The following OR10G8 variants were observed in gnomAD, a reference collection of about 807,000 sequenced individuals.
OR10G8 encodes olfactory receptor family 10 subfamily G member 8, also known as olfactory receptor 10G8.
For missense variants in OR10G8, 386 were observed against 384.9 expected, an observed-to-expected ratio of 1.00 and a Z score of -0.02; for synonymous variants, 173 against 163.2, an observed-to-expected ratio of 1.06 and a Z score of -0.46.
rs781320865 is a variant in OR10G8 at position 124,029,632 on chromosome 11, G to A, written c.10G>A (p.Ala4Thr). The change falls in exon 2 of 2, where the codon GCC becomes ACC. Residue 4 changes from alanine (A) to threonine (T), a missense_variant. Transcript: ENST00000641224. ...CCAAGGGTGAGAAGAAATGTCCAAC[G>A]CCAGCCTACTGACAGCGTTCATCCT... is the stretch of plus-strand genomic sequence containing the variant. MSN[A>T]SLLTAFILMG... 33 of 1,613,314 alleles carry A rather than the reference G, an allele frequency of 2.0e-5. No individual in the cohort carries two copies. In the South Asian group the frequency reaches 3.0e-4, roughly 14 times the overall value.
At chr11:124,028,870 T>C (rs78325984) in intron 1 of OR10G8, among the ~76,000 whole-genome samples, 6,480 of 152,246 alleles carry the variant, frequency 0.043, 328 homozygotes, top group East Asian at 0.14. Flanking sequence ...AGATTCCTGC[T>C]GTCTAGTATA....
Position 124,030,552 on chromosome 11 carries a change from C to G in OR10G8, c.930C>G (p.Ser310Arg). 4 of 1,581,894 alleles carry G rather than the reference C, an allele frequency of 2.5e-6. No individual in the cohort carries two copies. Among genetic ancestry groups the G allele is most frequent in the Non-Finnish European group, 3.4e-6 (4 of 1,166,558 alleles). The change falls in exon 2 of 2, where the codon AGC becomes AGG. Residue 310 changes from serine (S) to arginine (R), a missense_variant. By Grantham distance (110) the Ser-to-Arg change is moderately radical. Transcript: ENST00000641224. ...AAGACAAAGTAGCACATTCTCAGAGCAAATAGACACTAGGGAAGATTACAT... is the reference window on the plus strand; with the variant it reads ...AAGACAAAGTAGCACATTCTCAGAGGAAATAGACACTAGGGAAGATTACAT... ...KLKDKVAHSQ[S>R]K
At chr11:124,028,742 T>TAAATTTGAAAC (rs1406622674) in intron 1 of OR10G8, among the ~76,000 whole-genome samples, 5 of 152,300 alleles carry the variant, frequency 3.3e-5, no homozygotes, top group South Asian at 2.1e-4. Context: ...AGCTGAACTG[T>TAAATTTGAAAC]TCAGTTTTCA....
In OR10G8 at chr11:124,029,649, G is replaced by T; in HGVS notation, c.27G>T (p.Ala9=). Residue 9 remains alanine (A), a synonymous_variant, in exon 2 of 2, where the codon GCG becomes GCT. Transcript: ENST00000641224. ...TGTCCAACGCCAGCCTACTGACAGC[G>T]TTCATCCTCATGGGCCTTCCCCATG... is the stretch of plus-strand genomic sequence containing the variant. MSNASLLT[A]FILMGLPHAP... 6.2e-7 allele frequency: 1 copy of T among 1,613,902 alleles called. No homozygotes were observed. The highest frequency in any genetic ancestry group is 1.1e-5 in the South Asian group (1 of 91,066).
rs1020204718 is a variant in OR10G8 at position 124,026,866 on chromosome 11, G to A, written c.-29G>A. 5 of 152,144 alleles carry A rather than the reference G, an allele frequency of 3.3e-5. No homozygotes were observed. The highest frequency in any genetic ancestry group is 9.7e-5 in the African/African-American group (4 of 41,426). 9.4% of individuals were successfully genotyped at this position (152,144 alleles called of 1,614,324 possible). On this transcript the variant is annotated splice_region_variant and 5_prime_UTR_variant, in exon 1 of 2. Transcript: ENST00000641224. Reference sequence around the variant, plus strand: ...TCTCTCAGCCACTGGTGAGAGAAAAGGGTAAGTCAGTTATTCTTTCCTCTA... The same window carrying A: ...TCTCTCAGCCACTGGTGAGAGAAAAAGGTAAGTCAGTTATTCTTTCCTCTA...
At chr11:124,028,334 C>T (rs928898216) in intron 1 of OR10G8, among the ~76,000 whole-genome samples, 7 of 152,032 alleles carry the variant, frequency 4.6e-5, no homozygotes, top group Non-Finnish European at 1.0e-4. Context: ...TTTGGGAGGT[C>T]GTGGGAATCC....
At chr11:124,028,791 T>C (rs1864127383) in intron 1 of OR10G8, among the ~76,000 whole-genome samples, 1 of 152,192 alleles carries the variant, frequency 6.6e-6, no homozygotes, top group African/African-American at 2.4e-5. Flanking sequence ...CTTGGTGTTT[T>C]TTTTTAAGTT....
chr11:124,030,392 T>G lies in OR10G8; in HGVS notation c.770T>G (p.Ile257Ser). 1 of 1,614,188 alleles carries G rather than the reference T, an allele frequency of 6.2e-7. No individual in the cohort carries two copies. The highest frequency in any genetic ancestry group is 8.5e-7 in the Non-Finnish European group (1 of 1,180,030). The change falls in exon 2 of 2, where the codon ATT becomes AGT. Residue 257 changes from isoleucine to serine, a missense_variant. Physicochemically the swap from Ile to Ser is moderately radical, Grantham distance 142. Transcript: ENST00000641224. The part of the protein sequence containing the change: ...VLCFFGPGLF[I>S]YLRPGSRKAV... ...TGCTTCTTTGGCCCTGGTCTTTTCA[T>G]TTACCTGAGGCCAGGCTCCAGGAAA... is the stretch of plus-strand genomic sequence containing the variant.
Position 124,030,154 on chromosome 11 carries a change from T to C in OR10G8, c.532T>C (p.Cys178Arg). Residue 178 changes from cysteine (C) to arginine (R), a missense_variant, in exon 2 of 2, where the codon TGT becomes CGT. Physicochemically the swap from Cys to Arg is radical, Grantham distance 180 (BLOSUM62 -3). Coordinates refer to ENST00000641224, the MANE Select transcript of OR10G8 (RefSeq NM_001004464.2). ...CGPNWIQHYL[C>R]DAPPILKLAC... ...ACCCAACTGGATCCAGCACTATTTG[T>C]GTGATGCACCGCCCATCCTGAAACT... The C allele has an allele frequency of 6.2e-7, 1 of 1,614,038 alleles. No homozygotes were observed. Among genetic ancestry groups the C allele is most frequent in the Non-Finnish European group, 8.5e-7 (1 of 1,179,906 alleles).
chr11:124,030,068 T>C lies in OR10G8; in HGVS notation c.446T>C (p.Leu149Pro). ...ACTCTTCTGGCCACCAGCACTTGGC[T>C]CAGTGGCTCTCTGCACTCTGCTGTC... ...SCTLLATSTW[L>P]SGSLHSAVQA... Residue 149 changes from leucine (L) to proline (P), a missense_variant, in exon 2 of 2, where the codon CTC (leucine) becomes CCC (proline). Physicochemically the swap from Leu to Pro is moderately conservative, Grantham distance 98 (BLOSUM62 -3). Coordinates refer to ENST00000641224, the MANE Select transcript of OR10G8 (RefSeq NM_001004464.2). 1.5e-5 allele frequency: 25 copies of C among 1,614,098 alleles called. No homozygotes were observed. Among genetic ancestry groups the C allele is most frequent in the Non-Finnish European group, 2.1e-5 (25 of 1,179,980 alleles).
intron 1 of OR10G8, 27 bp downstream of exon 1, chr11:124,026,894 G>A (rs1387539085): frequency 1.3e-5 from 2 of 152,146 alleles, no homozygotes; most frequent in East Asian, 1.9e-4. Context: ...TTCCTCTAAG[G>A]TACAAATACT....
intron 1 of OR10G8, among the ~76,000 whole-genome samples, chr11:124,028,457 A>T (rs77996654): frequency 2.8e-4 from 43 of 152,128 alleles, no homozygotes; most frequent in African/African-American, 9.4e-4. Flanking sequence ...AAATAGTCCA[A>T]GAAGACCTAG....
In OR10G8 at chr11:124,030,242, C is replaced by T. The variant is rs150048996; in HGVS notation, c.620C>T (p.Ser207Leu). The T allele has an allele frequency of 1.7e-5, 28 of 1,614,078 alleles. No individual in the cohort carries two copies. Among genetic ancestry groups the T allele is most frequent in the East Asian group, 8.9e-5 (4 of 44,898 alleles). ...TTTGTGACTGTTGGAATAGTGGCCT[C>T]GGGCTGCTTTGTCCTGATAGTGCTG... ...VIFVTVGIVASGCFVLIVLSY... is the reference protein window; with the variant it reads ...VIFVTVGIVALGCFVLIVLSY... Residue 207 changes from serine (S) to leucine (L), a missense_variant, in exon 2 of 2, where the codon TCG becomes TTG. Transcript: ENST00000641224.
chr11:124,030,522 G>A lies in OR10G8; in HGVS notation c.900G>A (p.Lys300=), dbSNP rs752995786. The change falls in exon 2 of 2, where the codon AAG becomes AAA. Residue 300 remains lysine, a synonymous_variant. Coordinates refer to ENST00000641224, the MANE Select transcript of OR10G8 (RefSeq NM_001004464.2). ...RNKEVKKALL[K]LKDKVAHSQS... ...AGGAGGTGAAGAAAGCTCTGTTGAA[G>A]CTGAAAGACAAAGTAGCACATTCTC... is the stretch of plus-strand genomic sequence containing the variant. The A allele has an allele frequency of 6.2e-7, 1 of 1,603,806 alleles. No homozygotes were observed. The highest frequency in any genetic ancestry group is 8.5e-7 in the Non-Finnish European group (1 of 1,176,622).
chr11:124,027,191 T>C (rs1864114410), intron 1 of OR10G8, among the ~76,000 whole-genome samples: 1 of 152,154 alleles, frequency 6.6e-6, no homozygotes, highest in Non-Finnish European at 1.5e-5. Flanking sequence ...CTTGCAAACT[T>C]AGCACCTGTA....
intron 1 of OR10G8, among the ~76,000 whole-genome samples, chr11:124,027,156 A>G (rs531149744): frequency 6.6e-6 from 1 of 152,226 alleles, no homozygotes; most frequent in African/African-American, 2.4e-5. Flanking sequence ...CTTTCTTAAC[A>G]CTGTATCTGT....
At chr11:124,026,927 A>C (rs1864112629) in intron 1 of OR10G8, 60 bp downstream of exon 1, 1 of 152,238 alleles carries the variant, frequency 6.6e-6, no homozygotes, top group South Asian at 2.1e-4. Flanking sequence ...GCATGGGCTC[A>C]TCTCAGGAGG....
In OR10G8 at chr11:124,030,086, C is replaced by G. The variant is rs993590258; in HGVS notation, c.464C>G (p.Ser155Cys). The part of the protein sequence containing the change: ...TSTWLSGSLH[S>C]AVQAILTFHL... ...ACTTGGCTCAGTGGCTCTCTGCACT[C>G]TGCTGTCCAGGCCATATTGACTTTC... The change falls in exon 2 of 2, where the codon TCT becomes TGT. Residue 155 changes from serine (S) to cysteine (C), a missense_variant. Ser to Cys is a moderately radical substitution (Grantham distance 112). Transcript: ENST00000641224. 14 of 1,613,972 alleles carry G rather than the reference C, an allele frequency of 8.7e-6. No homozygotes were observed. The highest frequency in any genetic ancestry group is 1.3e-5 in the African/African-American group (1 of 74,926).
In OR10G8 at chr11:124,030,149, A is replaced by G. The variant is rs771123997; in HGVS notation, c.527A>G (p.Tyr176Cys). 1 of 1,613,924 alleles carries G rather than the reference A, an allele frequency of 6.2e-7. No homozygotes were observed. The highest frequency in any genetic ancestry group is 8.5e-7 in the Non-Finnish European group (1 of 1,179,890). ...TGTGGACCCAACTGGATCCAGCACT[A>G]TTTGTGTGATGCACCGCCCATCCTG... ...PYCGPNWIQH[Y>C]LCDAPPILKL... The change falls in exon 2 of 2, where the codon TAT (tyrosine) becomes TGT (cysteine). Residue 176 changes from tyrosine to cysteine, a missense_variant. Transcript: ENST00000641224.
Sources: allele counts gnomAD v4.1 joint callset (sites outside exome capture counted in the v4.1 genomes callset), GRCh38; gene constraint gnomAD v4.1.1; transcripts MANE v1.5; gene names NCBI Gene and HGNC (gene_info 2026-07-23, HGNC 2026-07-21).